HPSE2: variants seen among roughly 807,000 people sequenced by gnomAD.
HPSE2 encodes inactive heparanase-2.
In HPSE2, 38 loss-of-function variants were observed where a neutral mutation model predicts 60.5. The observed-to-expected ratio is 0.63, with a 90% CI of 0.48 to 0.82. The LOEUF (loss-of-function observed/expected upper bound fraction) is 0.82, where lower values mean the gene tolerates loss of function less well. Ranked by LOEUF, HPSE2 falls within the 40% of genes least tolerant of loss-of-function variation. The pLI is 0.00. For synonymous variants in HPSE2, 295 were observed against 293.2 expected (o/e 1.01, Z -0.06); for missense variants, 713 against 740.4 (o/e 0.96, Z 0.43).
At chr10:99,115,177 G>C (rs1352705043) in intron 3 of HPSE2, among the ~76,000 whole-genome samples, 3 of 146,874 alleles carry the variant, frequency 2.0e-5, no homozygotes, top group African/African-American at 5.0e-5. Flanking sequence ...TTTTGAGACG[G>C]AGTCTCGCTC....
chr10:99,220,988 G>T (rs1188778223), intron 2 of HPSE2, among the ~76,000 whole-genome samples: 2 of 151,302 alleles, frequency 1.3e-5, no homozygotes, highest in Admixed American at 1.3e-4. Context: ...GGGATTACAG[G>T]TGCCCGCCAT....
chr10:98,742,288 C>G (rs1210502664), intron 4 of HPSE2, among the ~76,000 whole-genome samples: 1 of 152,146 alleles, frequency 6.6e-6, no homozygotes, highest in African/African-American at 2.4e-5. Context: ...GGCTACGTTC[C>G]AGTTAGTGGC....
intron 2 of HPSE2, among the ~76,000 whole-genome samples, chr10:99,166,754 T>C (rs1455812301): frequency 6.6e-6 from 1 of 151,912 alleles, no homozygotes; most frequent in African/African-American, 2.4e-5. Context: ...TGGGCACAAA[T>C]CCTTTATCAG....
At chr10:98,716,703 G>A (rs1400784206) in intron 5 of HPSE2, among the ~76,000 whole-genome samples, 2 of 152,084 alleles carry the variant, frequency 1.3e-5, no homozygotes, top group East Asian at 1.9e-4. Flanking sequence ...CTGCAGAATG[G>A]AGGGTGAGTT....
chr10:98,790,209 T>C (rs1279483750), intron 3 of HPSE2, among the ~76,000 whole-genome samples: 1 of 152,250 alleles, frequency 6.6e-6, no homozygotes, highest in African/African-American at 2.4e-5. Flanking sequence ...ATGTGCCACA[T>C]TTTATTTATT....
At chr10:98,548,016 C>G (rs1444976837) in intron 9 of HPSE2, among the ~76,000 whole-genome samples, 2 of 152,130 alleles carry the variant, frequency 1.3e-5, no homozygotes, top group Non-Finnish European at 2.9e-5. Flanking sequence ...ATTCCAGGCA[C>G]TATTCTGGGC....
At chr10:98,574,352 A>G (rs1944584276) in intron 9 of HPSE2, among the ~76,000 whole-genome samples, 1 of 152,234 alleles carries the variant, frequency 6.6e-6, no homozygotes, top group Non-Finnish European at 1.5e-5. Context: ...AGAGAACCCC[A>G]GGGAGGGGGA....
chr10:98,472,786 A>G (rs1418333896), intron 11 of HPSE2, among the ~76,000 whole-genome samples: 1 of 151,964 alleles, frequency 6.6e-6, no homozygotes, highest in Non-Finnish European at 1.5e-5. Context: ...ATATTTAACT[A>G]TATAAAAGGG....
intron 3 of HPSE2, among the ~76,000 whole-genome samples, chr10:98,760,226 C>A (rs1049726397): frequency 6.6e-6 from 1 of 151,914 alleles, no homozygotes; most frequent in Non-Finnish European, 1.5e-5. Context: ...CATCTGTAAA[C>A]AGACAATTTC....
At chr10:98,949,566 T>C (rs888908092) in intron 3 of HPSE2, among the ~76,000 whole-genome samples, 9 of 152,180 alleles carry the variant, frequency 5.9e-5, no homozygotes, top group Admixed American at 3.9e-4. Context: ...TACAACATTT[T>C]AGTTCCTGAT....
intron 9 of HPSE2, among the ~76,000 whole-genome samples, chr10:98,614,538 C>T (rs571512447): frequency 8.5e-5 from 13 of 152,202 alleles, no homozygotes; most frequent in East Asian, 7.7e-4. Flanking sequence ...GTGATCCACC[C>T]GCCTTGGCCT....
intron 5 of HPSE2, among the ~76,000 whole-genome samples, chr10:98,701,639 AT>A (rs1948412174): frequency 1.1e-5 from 1 of 91,792 alleles, no homozygotes; most frequent in African/African-American, 3.0e-5. Flanking sequence ...TTAAAGTATA[AT>A]AATAATAAAA....
intron 2 of HPSE2, among the ~76,000 whole-genome samples, chr10:99,180,618 C>T (rs980408342): frequency 2.0e-5 from 3 of 152,054 alleles, no homozygotes; most frequent in Non-Finnish European, 4.4e-5. Context: ...GGCACGGTGG[C>T]TCATGCCTGT....
chr10:98,669,656 C>A (rs1947455710), intron 6 of HPSE2, among the ~76,000 whole-genome samples: 1 of 152,150 alleles, frequency 6.6e-6, no homozygotes, highest in Admixed American at 6.5e-5. Flanking sequence ...ATGTTCTCAC[C>A]TACAAGTGAG....
chr10:98,588,010 G>C (rs1164460107), intron 9 of HPSE2, among the ~76,000 whole-genome samples: 1 of 152,110 alleles, frequency 6.6e-6, no homozygotes, highest in African/African-American at 2.4e-5. Flanking sequence ...TTTATCTATT[G>C]AATTGAGGAC....
intron 3 of HPSE2, among the ~76,000 whole-genome samples, chr10:98,975,095 T>G (rs1229058730): frequency 6.6e-6 from 1 of 152,214 alleles, no homozygotes; most frequent in Non-Finnish European, 1.5e-5. Context: ...TTGATTTTAT[T>G]TTCTTCCGCC....
intron 4 of HPSE2, among the ~76,000 whole-genome samples, chr10:98,735,055 T>C (rs1949318586): frequency 6.6e-6 from 1 of 152,132 alleles, no homozygotes; most frequent in Non-Finnish European, 1.5e-5. Context: ...GTTATACAGT[T>C]GTGTGAGTTT....
rs76059082 is a variant in HPSE2 at position 99,121,816 on chromosome 10, A to G, written c.610+22422T>C. Among the ~76,000 whole-genome samples the G allele has an allele frequency of 2.1e-3, 324 of 152,308 alleles. 1 individual carries two copies. The highest frequency in any genetic ancestry group is 7.2e-3 in the African/African-American group (300 of 41,590). On this transcript the variant is annotated intron_variant, in intron 3 of 11. Transcript: ENST00000370552. ...ACTTCTAGGAATTGTGCAAAAATAT[A>G]TCTACAATGATGTTCATCATGACAT...
rs1847065879 is a variant in HPSE2, at chr10:99,166,004, TTATC to T, written c.449-21609_449-21606del. 9.2e-5 allele frequency among the ~76,000 whole-genome samples: 10 copies of T among 109,032 alleles called. No individual in the cohort carries two copies. In the South Asian group the frequency reaches 3.4e-3, roughly 37 times the overall value. The allele number at this position is 109,032 out of a possible 152,430, so 71.5% of individuals were successfully genotyped here. A position where few individuals can be genotyped will look rare whatever the true frequency, so the allele number is the denominator to read the frequency against. Reference sequence around the variant, plus strand: ...ACACTTTGTTGTTTTTTGGTTTTGTTTATCTGTTTCTATAGCTTTCTCTTTTACA... The same window carrying T: ...ACACTTTGTTGTTTTTTGGTTTTGTTTGTTTCTATAGCTTTCTCTTTTACA... On this transcript the variant is annotated intron_variant, in intron 2 of 11. Transcript: ENST00000370552.
Sources: gnomAD v4.1 joint callset for allele counts (sites outside exome capture counted in the v4.1 genomes callset) on GRCh38, gnomAD v4.1.1 for gene constraint, MANE v1.5 for transcripts, NCBI Gene and HGNC (gene_info 2026-07-23, HGNC 2026-07-21) for gene names.